The following DHCR24 variants were observed in gnomAD, a reference collection of about 807,000 sequenced individuals.
DHCR24 encodes delta(24)-sterol reductase.
A neutral mutation model predicts 61.2 loss-of-function variants in DHCR24; 28 were observed. The ratio of observed to expected loss-of-function variants is 0.46; its 90% CI spans 0.34 to 0.63. The LOEUF (loss-of-function observed/expected upper bound fraction) is 0.63. Among genes scored for constraint, DHCR24 ranks in the 20% least tolerant of loss-of-function variants. The probability of loss-of-function intolerance (pLI) is 0.01; values close to 1 mark genes in which losing one functional copy is unlikely to be tolerated. For missense variants in DHCR24, 538 were observed against 679.1 expected, an observed-to-expected ratio of 0.79 and a Z score of 2.31; for synonymous variants, 261 against 275.9, an observed-to-expected ratio of 0.95 and a Z score of 0.54.
intron 5 of DHCR24, among the ~76,000 whole-genome samples, chr1:54,867,374 T>C (rs1309956435): frequency 1.3e-5 from 2 of 152,158 alleles, no homozygotes; most frequent in Non-Finnish European, 2.9e-5. Context: ...TCTAATGGCA[T>C]CCACCACTCT....
In DHCR24 at chr1:54,853,630, G is replaced by A. The variant is rs776919234; in HGVS notation, c.1219-18C>T. 7 of 1,608,042 alleles carry A rather than the reference G, an allele frequency of 4.4e-6. No individual in the cohort carries two copies. Among genetic ancestry groups the A allele is most frequent in the Non-Finnish European group, 3.4e-6 (4 of 1,177,568 alleles). The stretch of plus-strand genomic sequence containing the variant: ...GGGTAGACCTGGGTAGACCAGGGAG[G>A]TGGGTATTGGTGCTTTTTCTCCAAC... On this transcript the variant is annotated intron_variant, in intron 7 of 8. Coordinates refer to ENST00000371269, the MANE Select transcript of DHCR24 (RefSeq NM_014762.4).
chr1:54,864,026 T>C (rs950765168), intron 6 of DHCR24, among the ~76,000 whole-genome samples: 7 of 152,130 alleles, frequency 4.6e-5, no homozygotes, highest in African/African-American at 1.7e-4. Context: ...ATAATAATAC[T>C]AATAATTTAA....
chr1:54,870,093 A>G (rs1008769761), intron 5 of DHCR24, among the ~76,000 whole-genome samples: 19 of 151,898 alleles, frequency 1.3e-4, no homozygotes, highest in African/African-American at 4.6e-4. Context: ...ATGGTGGCAC[A>G]CGCCTGTAGT....
intron 6 of DHCR24, 51 bp from the exon 7 acceptor site, chr1:54,854,285 T>C (rs1206700660): frequency 6.5e-7 from 1 of 1,530,466 alleles, no homozygotes; most frequent in Admixed American, 1.7e-5. Flanking sequence ...AAGGGTTGAA[T>C]GTCTCCAAGT....
At chr1:54,869,441 G>T (rs1046913962) in intron 5 of DHCR24, among the ~76,000 whole-genome samples, 5 of 152,202 alleles carry the variant, frequency 3.3e-5, no homozygotes, top group African/African-American at 4.8e-5. Flanking sequence ...CAGGATAAAT[G>T]TGAGTCTTAA....
At chr1:54,874,266 T>C (rs574863449) in intron 4 of DHCR24, among the ~76,000 whole-genome samples, 1 of 152,354 alleles carries the variant, frequency 6.6e-6, no homozygotes, top group African/African-American at 2.4e-5. Context: ...TCACATTCAC[T>C]CACCACTCAC....
intron 6 of DHCR24, among the ~76,000 whole-genome samples, chr1:54,859,340 G>A (rs1015743063): frequency 6.6e-6 from 1 of 152,114 alleles, no homozygotes; most frequent in Non-Finnish European, 1.5e-5. Flanking sequence ...CCAAATCCTT[G>A]ACCTTCAGAA....
At chr1:54,864,015 A>G (rs1341669627) in intron 6 of DHCR24, among the ~76,000 whole-genome samples, 2 of 152,224 alleles carry the variant, frequency 1.3e-5, no homozygotes, top group African/African-American at 4.8e-5. Flanking sequence ...GAATGGCTAT[A>G]ATAATAATAC....
At chr1:54,876,143 A>C in intron 2 of DHCR24, 96 bp from the exon 3 acceptor site, 1 of 886,078 alleles carries the variant, frequency 1.1e-6, no homozygotes, top group Non-Finnish European at 1.9e-6. Context: ...AACCTTCCCA[A>C]ACACTCACTG....
In DHCR24 at chr1:54,883,421, T is replaced by G. The variant is rs372633337; in HGVS notation, c.387+197A>C. On this transcript the variant is annotated intron_variant, in intron 2 of 8. Coordinates refer to ENST00000371269, the MANE Select transcript of DHCR24 (RefSeq NM_014762.4). The surrounding 1 kb of genome is among the most constrained non-coding windows in gnomAD (Gnocchi z 4.3). ...CCTGTGGAAACGCAAAGGGTTCCCC[T>G]GACCTATTATGACCCATCTCTCCCC... Among the ~76,000 whole-genome samples, 4 of 152,192 alleles carry G rather than the reference T, an allele frequency of 2.6e-5. No individual in the cohort carries two copies. Among genetic ancestry groups the G allele is most frequent in the Non-Finnish European group, 5.9e-5 (4 of 68,030 alleles).
chr1:54,875,264 G>C, intron 3 of DHCR24, 53 bp from the exon 4 acceptor site: 6 of 1,576,726 alleles, frequency 3.8e-6, no homozygotes, highest in Non-Finnish European at 5.2e-6. Flanking sequence ...GTACAGGGTT[G>C]GGGGTGGGTT....
At chr1:54,864,270 G>A (rs528809758) in intron 6 of DHCR24, among the ~76,000 whole-genome samples, 2 of 152,288 alleles carry the variant, frequency 1.3e-5, no homozygotes, top group African/African-American at 2.4e-5. Flanking sequence ...TAGCAGCACT[G>A]TTCACAGTAG....
chr1:54,855,271 G>A (rs938263496), intron 6 of DHCR24, among the ~76,000 whole-genome samples: 3 of 152,040 alleles, frequency 2.0e-5, no homozygotes, highest in Admixed American at 2.0e-4. Flanking sequence ...GCGGGCGCCT[G>A]TAGTCCCAGC....
chr1:54,886,115 A>G (rs1467540754), intron 1 of DHCR24, among the ~76,000 whole-genome samples: 6 of 152,212 alleles, frequency 3.9e-5, no homozygotes, highest in Admixed American at 3.9e-4. Flanking sequence ...TGATGCCAAC[A>G]AGAGAGGAAC....
chr1:54,887,169 C>CCGCCAGCTCCGCGCCT lies in DHCR24; in HGVS notation c.-66_-51dup, dbSNP rs1553122854. The CCGCCAGCTCCGCGCCT allele has an allele frequency of 6.8e-7, 1 of 1,462,014 alleles. No individual in the cohort carries two copies. Among genetic ancestry groups the CCGCCAGCTCCGCGCCT allele is most frequent in the Non-Finnish European group, 9.3e-7 (1 of 1,080,652 alleles). The allele number at this position is 1,462,014 out of a possible 1,614,324, so 90.6% of individuals were successfully genotyped here. ...TGCGGGTTCGCGCCTCCTGTCACTG[C>CCGCCAGCTCCGCGCCT]CGCCAGCTCCGCGCCTGGCCCGCTC... On this transcript the variant is annotated 5_prime_UTR_variant, in exon 1 of 9. Transcript: ENST00000371269.
Position 54,876,013 on chromosome 1 carries a change from T to C in DHCR24, c.422A>G (p.Gln141Arg). 1 of 1,614,022 alleles carries C rather than the reference T, an allele frequency of 6.2e-7. No individual in the cohort carries two copies. Among genetic ancestry groups the C allele is most frequent in the Non-Finnish European group, 8.5e-7 (1 of 1,179,932 alleles). ...VRVEPLVTMG[Q>R]VTALLTSIGW... ...AATGGAGGTCAGCAGGGCAGTCACC[T>C]GGCCCATGGTCACCAAGGGCTCCAC... Residue 141 changes from glutamine (Q) to arginine (R), a missense_variant, in exon 3 of 9, where the codon CAG (glutamine) becomes CGG (arginine). Gln to Arg is a conservative substitution (Grantham distance 43). Transcript: ENST00000371269.
chr1:54,854,088 C>T lies in DHCR24; in HGVS notation c.1167G>A (p.Val389=), dbSNP rs1646893542. The change falls in exon 7 of 9, where the codon GTG becomes GTA. Residue 389 remains valine, a synonymous_variant. Transcript: ENST00000371269. ...GGGCCTGCTGCAGGCACTTCATGGG[C>T]ACCAGCATGTCCTGCACCACGTGGT... ...EQHHVVQDML[V]PMKCLQQALH... The T allele has an allele frequency of 6.2e-7, 1 of 1,613,990 alleles. No individual in the cohort carries two copies. The highest frequency in any genetic ancestry group is 8.5e-7 in the Non-Finnish European group (1 of 1,179,924).
rs1557430991 is a variant in DHCR24, at chr1:54,858,135, C to CA, written c.1021-3902_1021-3901insT. The stretch of plus-strand genomic sequence containing the variant: ...TGCATTTCTACTGTAGAGGATGCTG[C>CA]GCGCAGATGCCCGCTCCAGGGAGGC... On this transcript the variant is annotated intron_variant, in intron 6 of 8. Transcript: ENST00000371269. Among the ~76,000 whole-genome samples the CA allele has an allele frequency of 2.6e-5, 4 of 152,366 alleles. No homozygotes were observed. The East Asian group carries it at 7.7e-4, about 29-fold the overall frequency.
At chr1:54,857,031 G>C (rs1292401393) in intron 6 of DHCR24, among the ~76,000 whole-genome samples, 3 of 152,176 alleles carry the variant, frequency 2.0e-5, no homozygotes, top group African/African-American at 7.2e-5. Flanking sequence ...AGCCATTTGT[G>C]TTTTTTTCCT....
Sources: allele counts gnomAD v4.1 joint callset (sites outside exome capture counted in the v4.1 genomes callset), GRCh38; gene constraint gnomAD v4.1.1; non-coding constraint Gnocchi (gnomAD v3.1); transcripts MANE v1.5; gene names NCBI Gene and HGNC (gene_info 2026-07-23, HGNC 2026-07-21).